Variants in NME8 observed in about 807,000 individuals in gnomAD.
NME8 encodes the protein protein NME8.
NME8 carries 72 observed loss-of-function variants against 82.3 expected under a neutral mutation model. The ratio of observed to expected loss-of-function variants is 0.87; its 90% CI spans 0.72 to 1.06. The LOEUF is 1.06. NME8 is among the 50% of genes least tolerant of loss of function. The pLI is 0.00. For missense variants in NME8, 712 were observed against 685.4 expected, an observed-to-expected ratio of 1.04 and a Z score of -0.43; for synonymous variants, 267 against 228.5, an observed-to-expected ratio of 1.17 and a Z score of -1.52.
At chr7:37,863,522 C>T (rs1784630614) in intron 8 of NME8, 60 bp downstream of exon 8, 1 of 906,622 alleles carries the variant, frequency 1.1e-6, no homozygotes, top group East Asian at 2.4e-5. Flanking sequence ...GTCATCACAG[C>T]ATCACTTGTT....
chr7:37,852,804 T>G (rs1020088035), intron 5 of NME8, among the ~76,000 whole-genome samples: 1 of 152,210 alleles, frequency 6.6e-6, no homozygotes, highest in Non-Finnish European at 1.5e-5. Context: ...CATCCATGCT[T>G]AGGTTTTTGT....
chr7:37,882,369 C>T (rs1784960097), intron 12 of NME8, among the ~76,000 whole-genome samples: 1 of 151,836 alleles, frequency 6.6e-6, no homozygotes, highest in Admixed American at 6.6e-5. Context: ...TGCCTGTGGT[C>T]CCAGCTGCTG....
At chr7:37,874,434 A>C in intron 11 of NME8, among the ~76,000 whole-genome samples, 1 of 152,174 alleles carries the variant, frequency 6.6e-6, no homozygotes, top group East Asian at 1.9e-4. Flanking sequence ...TGGAGTATTA[A>C]AGTTGGGAGA....
chr7:37,899,928 C>T (rs1041449073), intron 17 of NME8, among the ~76,000 whole-genome samples: 2 of 152,110 alleles, frequency 1.3e-5, no homozygotes, highest in African/African-American at 4.8e-5. Context: ...TGGTATTTTT[C>T]TCACCCTCTT....
chr7:37,850,658 C>T lies in NME8; in HGVS notation c.121C>T (p.Pro41Ser). 1 of 1,612,658 alleles carries T rather than the reference C, an allele frequency of 6.2e-7. No individual in the cohort carries two copies. Among genetic ancestry groups the T allele is most frequent in the South Asian group, 1.1e-5 (1 of 91,072 alleles). Residue 41 changes from proline to serine, a missense_variant, in exon 5 of 18, where the codon CCT becomes TCT. Pro to Ser is a moderately conservative substitution (Grantham distance 74). Coordinates refer to ENST00000199447, the MANE Select transcript of NME8 (RefSeq NM_016616.5). ...TGATGTTTACCAAGCCTGGTGTGGA[C>T]CTTGCAGAGCAATGCAACCTTTATT... ...VIDVYQAWCG[P>S]CRAMQPLFRK...
chr7:37,895,864 AGC>A (rs1320984550), intron 16 of NME8, among the ~76,000 whole-genome samples: 1 of 152,204 alleles, frequency 6.6e-6, no homozygotes, highest in African/African-American at 2.4e-5. Flanking sequence ...ACAGGTTTAT[AGC>A]CCAGGAGCCA....
At chr7:37,853,876 G>T (rs6971010) in intron 5 of NME8, among the ~76,000 whole-genome samples, 129,175 of 149,934 alleles carry the variant, frequency 0.86, 56,333 homozygotes, top group Non-Finnish European at 0.94. Context: ...TATATATATA[G>T]AGAGAGGCAT....
intron 9 of NME8, 121 bp from the exon 10 acceptor site, chr7:37,865,404 G>C: frequency 1.4e-6 from 1 of 709,408 alleles, no homozygotes; most frequent in Non-Finnish European, 2.6e-6. Flanking sequence ...TATAGATTTT[G>C]CTGAGGTTCT....
Position 37,882,546 on chromosome 7 carries a change from GGAAAGAAA to G in NME8, c.995-1710_995-1703del, listed in dbSNP as rs753903098. On this transcript the variant is annotated intron_variant, in intron 12 of 17. Transcript: ENST00000199447. ...AGGAAGGAGGGAGAGAGGGAGGAAGGGAAAGAAAGAAAGAAAGAAAGAAAGAAAGAAAG... is the reference window on the plus strand; with the variant it reads ...AGGAAGGAGGGAGAGAGGGAGGAAGGGAAAGAAAGAAAGAAAGAAAGAAAG... Among the ~76,000 whole-genome samples, 343 of 102,084 alleles carry G rather than the reference GGAAAGAAA, an allele frequency of 3.4e-3. 2 individuals carry two copies. Among genetic ancestry groups the G allele is most frequent in the African/African-American group, 9.9e-3 (281 of 28,482 alleles). The allele number at this position is 102,084 out of a possible 152,430, so 67.0% of individuals were successfully genotyped here.
intron 15 of NME8, among the ~76,000 whole-genome samples, chr7:37,891,467 TTAA>T (rs753229548): frequency 3.9e-5 from 6 of 152,024 alleles, no homozygotes; most frequent in Non-Finnish European, 7.4e-5. Flanking sequence ...TTATTTTATG[TTAA>T]TAATATGTTT....
chr7:37,894,307 T>C (rs1785181620), intron 15 of NME8, among the ~76,000 whole-genome samples, 159 bp from the exon 16 acceptor site: 1 of 152,206 alleles, frequency 6.6e-6, no homozygotes, highest in South Asian at 2.1e-4. Context: ...TGAATGTCAA[T>C]TTGGTGCTTT....
At chr7:37,875,581 C>A (rs1404757825) in intron 11 of NME8, among the ~76,000 whole-genome samples, 3 of 148,306 alleles carry the variant, frequency 2.0e-5, no homozygotes, top group African/African-American at 7.5e-5. Context: ...TAATTTTTTT[C>A]AAAATAAAAA....
chr7:37,880,414 G>T (rs544135946), intron 12 of NME8, among the ~76,000 whole-genome samples: 1 of 152,220 alleles, frequency 6.6e-6, no homozygotes, highest in East Asian at 1.9e-4. Context: ...TGTTTTGAGA[G>T]GGTATTTCTA....
At chr7:37,864,100 C>T (rs1308609744) in intron 8 of NME8, among the ~76,000 whole-genome samples, 2 of 152,184 alleles carry the variant, frequency 1.3e-5, no homozygotes, top group Non-Finnish European at 2.9e-5. Flanking sequence ...GGCCTACCTA[C>T]TCAATTTTTG....
chr7:37,850,432 A>G lies in NME8; in HGVS notation c.88A>G (p.Thr30Ala), dbSNP rs199920317. The change falls in exon 4 of 18, where the codon ACA becomes GCA. Residue 30 changes from threonine to alanine, a missense_variant. Transcript: ENST00000199447. ...WDEMLQNKGL[T>A]VIDVYQAWCG... is the part of the protein sequence containing the mutation. ...TGAGATGTTGCAGAACAAAGGCTTA[A>G]CAGGTATAAGGACTCCCCGGCTGTC... 160 of 1,614,180 alleles carry G rather than the reference A, an allele frequency of 9.9e-5. 1 individual carries two copies. The African/African-American group carries it at 1.8e-3, about 18-fold the overall frequency.
chr7:37,896,971 CT>C lies in NME8; in HGVS notation c.1647del (p.Asp550ThrfsTer9), dbSNP rs776297407. On this transcript the variant is annotated frameshift_variant, in exon 17 of 18. Coordinates refer to ENST00000199447, the MANE Select transcript of NME8 (RefSeq NM_016616.5). LOFTEE classifies it high-confidence loss of function. ...CCAGAAGAAGCAAAATTACTTTCCC[CT>C]GACTCCATCCGAGCCCAGTTTGGAA... is the stretch of plus-strand genomic sequence containing the variant. ...TDPEEAKLLS[P>X]DSIRAQFGIS... 12 of 1,613,832 alleles carry C rather than the reference CT, an allele frequency of 7.4e-6. No homozygotes were observed. Among genetic ancestry groups the C allele is most frequent in the Non-Finnish European group, 9.3e-6 (11 of 1,179,906 alleles).
intron 11 of NME8, among the ~76,000 whole-genome samples, chr7:37,868,627 T>C (rs1784726570): frequency 6.6e-6 from 1 of 152,108 alleles, no homozygotes; most frequent in African/African-American, 2.4e-5. Context: ...CCTGTTTGTC[T>C]TCCTAGAGCT....
intron 5 of NME8, among the ~76,000 whole-genome samples, chr7:37,853,237 G>T (rs962022706): frequency 6.6e-6 from 1 of 151,936 alleles, no homozygotes; most frequent in Non-Finnish European, 1.5e-5. Flanking sequence ...CTTTTATCAG[G>T]TATTACTTTT....
chr7:37,874,251 A>G (rs1275790711), intron 11 of NME8, among the ~76,000 whole-genome samples: 1 of 152,194 alleles, frequency 6.6e-6, no homozygotes, highest in East Asian at 1.9e-4. Flanking sequence ...TGGGTTTTAT[A>G]ATATAACAGC....
Sources: gnomAD v4.1 joint callset for allele counts (sites outside exome capture counted in the v4.1 genomes callset) on GRCh38, gnomAD v4.1.1 for gene constraint, MANE v1.5 for transcripts, NCBI Gene and HGNC (gene_info 2026-07-23, HGNC 2026-07-21) for gene names.